RNF149: variants seen among roughly 807,000 people sequenced by gnomAD.
RNF149 encodes the protein E3 ubiquitin-protein ligase RNF149.
A neutral mutation model predicts 39.0 loss-of-function variants in RNF149; 21 were observed. The observed-to-expected ratio is 0.54, with a 90% CI of 0.38 to 0.77. The LOEUF is 0.77. RNF149 is among the 30% of genes least tolerant of loss of function. The pLI, the probability that RNF149 is intolerant of heterozygous loss-of-function variation, is 0.00. For synonymous variants in RNF149, 209 were observed against 213.6 expected (o/e 0.98, Z 0.19); for missense variants, 493 against 534.9 (o/e 0.92, Z 0.77).
At chr2:101,286,278 A>C in intron 4 of RNF149, 101 bp from the exon 5 acceptor site, 1 of 645,472 alleles carries the variant, frequency 1.5e-6, no homozygotes, top group Non-Finnish European at 2.8e-6. Flanking sequence ...ATTACAAGTT[A>C]GCTGATGTCA....
Position 101,284,578 on chromosome 2 carries a change from C to CA in RNF149, c.960+1502dup, listed in dbSNP as rs1184108430. Among the ~76,000 whole-genome samples the CA allele has an allele frequency of 2.8e-3, 418 of 151,100 alleles. 1 individual carries two copies. Among genetic ancestry groups the CA allele is most frequent in the Middle Eastern group, 3.4e-3 (1 of 294 alleles). On this transcript the variant is annotated intron_variant, in intron 5 of 6. Transcript: ENST00000295317. The stretch of plus-strand genomic sequence containing the variant: ...CCTCGGCGACAGAGTGAGGCTGTCT[C>CA]AAAAAAAACCAAACAAATCATAATT...
intron 1 of RNF149, among the ~76,000 whole-genome samples, chr2:101,304,340 T>C (rs766552025): frequency 2.0e-5 from 3 of 152,196 alleles, no homozygotes; most frequent in Admixed American, 6.5e-5. Context: ...GAGGTTGCAA[T>C]GAGCCAAGAT....
chr2:101,294,827 A>G, intron 2 of RNF149, 104 bp downstream of exon 2: 2 of 960,492 alleles, frequency 2.1e-6, no homozygotes, highest in Non-Finnish European at 3.1e-6. Flanking sequence ...AAATAATATA[A>G]GCGAAAATCA....
In RNF149 at chr2:101,308,385, C is replaced by T. The variant is rs758570500; in HGVS notation, c.204G>A (p.Ser68=). ...CCAGGCCATGCGCGCCCTCCTTGGG[C>T]GAGCTGTCGCCGAAGCGGCCACTCT... ...VSESGRFGDS[S]PKEGAHGLVG... The change falls in exon 1 of 7, where the codon TCG becomes TCA. Residue 68 remains serine (S), a synonymous_variant. Transcript: ENST00000295317. The T allele has an allele frequency of 1.2e-6, 2 of 1,609,728 alleles. No individual in the cohort carries two copies. The highest frequency in any genetic ancestry group is 8.5e-7 in the Non-Finnish European group (1 of 1,179,020).
intron 6 of RNF149, among the ~76,000 whole-genome samples, chr2:101,278,471 A>G (rs780849352): frequency 6.6e-6 from 1 of 152,222 alleles, no homozygotes; most frequent in African/African-American, 2.4e-5. Flanking sequence ...GTGAAATAAC[A>G]TAAGTAATCT....
intron 5 of RNF149, among the ~76,000 whole-genome samples, chr2:101,285,104 G>C (rs1390627049): frequency 6.6e-6 from 1 of 151,916 alleles, no homozygotes; most frequent in African/African-American, 2.4e-5. Context: ...CACCATGTTG[G>C]CCAGGCTGGT....
In RNF149 at chr2:101,276,418, T is replaced by G. The variant is rs1017057067; in HGVS notation, c.*820A>C. 3 of 985,870 alleles carry G rather than the reference T, an allele frequency of 3.0e-6. No homozygotes were observed. The highest frequency in any genetic ancestry group is 3.6e-6 in the Non-Finnish European group (3 of 829,918). 61.1% of individuals were successfully genotyped at this position (985,870 alleles called of 1,614,324 possible). The stretch of plus-strand genomic sequence containing the variant: ...TTCGAGTCAACAACAAAAACTAAAA[T>G]TCTACATCTTTCGCCCTTTTAATTG... On this transcript the variant is annotated 3_prime_UTR_variant, in exon 7 of 7. Transcript: ENST00000295317.
In RNF149 at chr2:101,308,337, G is replaced by A. The variant is rs1278243667; in HGVS notation, c.252C>T (p.Gly84=). The A allele has an allele frequency of 1.3e-6, 2 of 1,597,360 alleles. No homozygotes were observed. The highest frequency in any genetic ancestry group is 4.6e-5 in the East Asian group (2 of 43,626). The change falls in exon 1 of 7, where the codon GGC becomes GGT. Residue 84 remains glycine, a synonymous_variant. Transcript: ENST00000295317. ...CGGGCGCGCAGCCCTCGAGGTCTCC[G>A]CCGGGCGCCCACGGGACGCCCACCA... ...HGLVGVPWAP[G]GDLEGCAPDT...
downstream of RNF149, among the ~76,000 whole-genome samples, chr2:101,273,811 CTA>C (rs2104377433): frequency 6.6e-6 from 1 of 152,256 alleles, no homozygotes; most frequent in Admixed American, 6.5e-5. Context: ...TCTAAAAAAA[CTA>C]TCACTGAAAA....
Position 101,277,032 on chromosome 2 carries a change from T to A in RNF149, c.*206A>T. The A allele has an allele frequency of 7.5e-7, 1 of 1,328,574 alleles. No individual in the cohort carries two copies. Among genetic ancestry groups the A allele is most frequent in the South Asian group, 1.6e-5 (1 of 62,670 alleles). The allele number at this position is 1,328,574 out of a possible 1,614,324, so 82.3% of individuals were successfully genotyped here. On this transcript the variant is annotated 3_prime_UTR_variant, in exon 7 of 7. Coordinates refer to ENST00000295317, the MANE Select transcript of RNF149 (RefSeq NM_173647.4). Reference sequence around the variant, plus strand: ...CACACTGTTCATGGTAAACACTCTATTTTAGTAGATAAATATATGAGGACT... The same window carrying A: ...CACACTGTTCATGGTAAACACTCTAATTTAGTAGATAAATATATGAGGACT...
At chr2:101,301,238 GT>G (rs66471016) in intron 1 of RNF149, among the ~76,000 whole-genome samples, 17 of 148,984 alleles carry the variant, frequency 1.1e-4, no homozygotes, top group South Asian at 2.1e-4. Flanking sequence ...GGCAATTTCT[GT>G]TTTTTTTTTG....
At position 101,308,132 on chromosome 2, in the gene RNF149, CGT is replaced by C; in HGVS notation, c.455_456del (p.His152ArgfsTer12). ...CCTCGCGCCCCGGCCTGCTCACCCG[CGT>C]GAGACATGGGCAAGGTGATGTTCCC... ...RYGNITLPMS[H>X]AGTGNIVVIM... is the part of the protein sequence containing the mutation. On this transcript the variant is annotated frameshift_variant, in exon 1 of 7. Transcript: ENST00000295317. LOFTEE classifies it high-confidence loss of function. 1 of 1,608,258 alleles carries C rather than the reference CGT, an allele frequency of 6.2e-7. No individual in the cohort carries two copies. The highest frequency in any genetic ancestry group is 8.5e-7 in the Non-Finnish European group (1 of 1,178,482).
chr2:101,294,364 A>G, intron 2 of RNF149: 1 of 297,726 alleles, frequency 3.4e-6, no homozygotes, highest in South Asian at 4.2e-5. Flanking sequence ...ACTGATTTTA[A>G]TTTGTCTGAA....
intron 3 of RNF149, among the ~76,000 whole-genome samples, chr2:101,290,326 C>T (rs1682958922): frequency 1.3e-5 from 2 of 152,162 alleles, no homozygotes; most frequent in Admixed American, 1.3e-4. Flanking sequence ...TTATCCATTA[C>T]TGTGAATGAG....
chr2:101,282,122 C>A, intron 5 of RNF149, 65 bp from the exon 6 acceptor site: 2 of 1,589,344 alleles, frequency 1.3e-6, no homozygotes, highest in South Asian at 1.1e-5. Flanking sequence ...GCTTATGTAT[C>A]ATCTGGCTCG....
chr2:101,292,505 G>A (rs1403962209), intron 3 of RNF149, among the ~76,000 whole-genome samples: 3 of 152,156 alleles, frequency 2.0e-5, no homozygotes, highest in African/African-American at 7.2e-5. Flanking sequence ...GGTGGCTCAC[G>A]CCTGTAATCC....
intron 1 of RNF149, among the ~76,000 whole-genome samples, chr2:101,300,865 G>C (rs1683426178): frequency 6.6e-6 from 1 of 152,212 alleles, no homozygotes. Flanking sequence ...GGGTCAGTAT[G>C]TGCACAACTG....
rs1682330371 is a variant in RNF149, at chr2:101,275,884, A to T, written c.*1354T>A. The stretch of plus-strand genomic sequence containing the variant: ...AACCTACTTGAGGTTGTCTGCTAAA[A>T]CCAACTCAGTGTGCAAAGCGAAATA... On this transcript the variant is annotated 3_prime_UTR_variant, in exon 7 of 7. Transcript: ENST00000295317. 1.0e-6 allele frequency: 1 copy of T among 985,208 alleles called. No homozygotes were observed. Among genetic ancestry groups the T allele is most frequent in the Non-Finnish European group, 1.2e-6 (1 of 829,892 alleles). The allele number at this position is 985,208 out of a possible 1,614,324, so 61.0% of individuals were successfully genotyped here. A position where few individuals can be genotyped will look rare whatever the true frequency, so the allele number is the denominator to read the frequency against.
At chr2:101,307,283 A>G (rs1210282019) in intron 1 of RNF149, among the ~76,000 whole-genome samples, 6 of 152,140 alleles carry the variant, frequency 3.9e-5, no homozygotes, top group Non-Finnish European at 5.9e-5. Context: ...CCTGGGCTCA[A>G]GTGATTCTCC....
Sources: allele counts gnomAD v4.1 joint callset (sites outside exome capture counted in the v4.1 genomes callset), GRCh38; gene constraint gnomAD v4.1.1; transcripts MANE v1.5; gene names NCBI Gene and HGNC (gene_info 2026-07-23, HGNC 2026-07-21).